Variants in ZNF292 observed in about 807,000 individuals in gnomAD.
ZNF292 encodes the protein zinc finger protein 292.
In ZNF292, 26 loss-of-function variants were observed where a neutral mutation model predicts 217.9. That is an observed-to-expected ratio of 0.12 (90% CI 0.09 to 0.17). The LOEUF (loss-of-function observed/expected upper bound fraction) is 0.17, where lower values mean the gene tolerates loss of function less well. ZNF292 is among the 10% of genes least tolerant of loss of function. ZNF292 has a pLI of 1.00. For synonymous variants in ZNF292, 1,257 were observed against 1,124.1 expected (o/e 1.12, Z -2.37); for missense variants, 2,904 against 3,175.2 (o/e 0.91, Z 2.05).
chr6:87,257,193 G>C lies in ZNF292; in HGVS notation c.3564G>C (p.Ser1188=), dbSNP rs369452734. Residue 1188 remains serine, a synonymous_variant, in exon 8 of 8, where the codon TCG becomes TCC. Coordinates refer to ENST00000369577, the MANE Select transcript of ZNF292 (RefSeq NM_015021.3). The part of the protein sequence containing the change: ...PACSAQLQHV[S]PPIFPAHLAS... ...GTTCGGCCCAGTTGCAGCATGTCTC[G>C]CCACCCATTTTTCCAGCTCATTTAG... is the stretch of plus-strand genomic sequence containing the variant. 2.5e-6 allele frequency: 4 copies of C among 1,613,648 alleles called. No individual in the cohort carries two copies. Among genetic ancestry groups the C allele is most frequent in the Non-Finnish European group, 3.4e-6 (4 of 1,179,842 alleles).
Position 87,177,194 on chromosome 6 carries a change from G to A in ZNF292, c.168+21435G>A, listed in dbSNP as rs62439510. 3.7e-3 allele frequency among the ~76,000 whole-genome samples: 564 copies of A among 152,200 alleles called. 1 individual carries two copies. The highest frequency in any genetic ancestry group is 5.5e-3 in the Non-Finnish European group (372 of 68,002). ...AATACAGAATTAGCTGGGGGTGGTG[G>A]CACATGCCTGTAATCCCAGCTACTC... On this transcript the variant is annotated intron_variant, in intron 1 of 7. Transcript: ENST00000369577.
At position 87,244,312 on chromosome 6, in the gene ZNF292, A is replaced by G. The variant is rs149245751; in HGVS notation, c.878+701A>G. 5.4e-4 allele frequency among the ~76,000 whole-genome samples: 83 copies of G among 152,338 alleles called. 1 individual carries two copies. The East Asian group carries it at 0.012, about 23-fold the overall frequency. ...TTATGAAGGAAAAATAGTATATGCA[A>G]TACAGAGAGGCTTGGTGTGAAAGGC... is the stretch of plus-strand genomic sequence containing the variant. On this transcript the variant is annotated intron_variant, in intron 6 of 7. Transcript: ENST00000369577.
intron 7 of ZNF292, among the ~76,000 whole-genome samples, chr6:87,253,228 T>C (rs1034489396): frequency 1.3e-5 from 2 of 148,656 alleles, no homozygotes; most frequent in African/African-American, 2.5e-5. Context: ...GCCTTTTTTT[T>C]TTTTTTTTTT....
chr6:87,159,513 TTTTA>T (rs1371377342), intron 1 of ZNF292, among the ~76,000 whole-genome samples: 7 of 144,450 alleles, frequency 4.8e-5, no homozygotes, highest in African/African-American at 1.3e-4. Flanking sequence ...TTTTTTTTTT[TTTTA>T]AAAAAGATGT....
intron 1 of ZNF292, chr6:87,215,074 A>T (rs1014171942): frequency 2.0e-5 from 3 of 151,974 alleles, no homozygotes; most frequent in Non-Finnish European, 2.9e-5. Context: ...CAATTGTGGC[A>T]GTCTTCTGTG....
At chr6:87,156,421 ACTTCTGTG>A (rs1770542399) in intron 1 of ZNF292, among the ~76,000 whole-genome samples, 1 of 152,088 alleles carries the variant, frequency 6.6e-6, no homozygotes, top group African/African-American at 2.4e-5. Flanking sequence ...TTGGTGCATC[ACTTCTGTG>A]GTAAAGCTTT....
At chr6:87,235,415 G>T (rs757534161) in intron 5 of ZNF292, among the ~76,000 whole-genome samples, 20 of 152,014 alleles carry the variant, frequency 1.3e-4, no homozygotes, top group Non-Finnish European at 2.2e-4. Flanking sequence ...CATTGGGGGG[G>T]ATTGGGGGAG....
intron 1 of ZNF292, among the ~76,000 whole-genome samples, chr6:87,191,473 G>C (rs1436303804): frequency 6.6e-6 from 1 of 152,086 alleles, no homozygotes; most frequent in African/African-American, 2.4e-5. Context: ...ATTAATATCA[G>C]TGTCTTTACA....
chr6:87,241,119 C>T (rs533121480), intron 5 of ZNF292, among the ~76,000 whole-genome samples: 1 of 152,252 alleles, frequency 6.6e-6, no homozygotes, highest in African/African-American at 2.4e-5. Flanking sequence ...CCCATCTCTA[C>T]TAAAAATACA....
At chr6:87,179,717 T>C (rs1313336399) in intron 1 of ZNF292, among the ~76,000 whole-genome samples, 1 of 152,212 alleles carries the variant, frequency 6.6e-6, no homozygotes, top group Non-Finnish European at 1.5e-5. Context: ...TTTTTCCTGC[T>C]GTACTTCAGT....
chr6:87,227,903 C>T (rs1367200847), intron 4 of ZNF292, among the ~76,000 whole-genome samples: 1 of 152,174 alleles, frequency 6.6e-6, no homozygotes, highest in Non-Finnish European at 1.5e-5. Flanking sequence ...CTACTATAAA[C>T]ATGGGCATAC....
At chr6:87,205,272 C>A (rs1047172087) in intron 1 of ZNF292, among the ~76,000 whole-genome samples, 5 of 152,064 alleles carry the variant, frequency 3.3e-5, no homozygotes, top group African/African-American at 1.2e-4. Context: ...TGAGGTCTTG[C>A]TATGTTGCTC....
At position 87,250,155 on chromosome 6, in the gene ZNF292, T is replaced by A. The variant is rs571631199; in HGVS notation, c.1021-4495T>A. On this transcript the variant is annotated intron_variant, in intron 7 of 7. Transcript: ENST00000369577. ...ATCAGTGGATTCAACCACCTACTGA[T>A]TGAAAATATTCAGGGGCCAGGTGTG... Among the ~76,000 whole-genome samples, 27 of 152,176 alleles carry A rather than the reference T, an allele frequency of 1.8e-4. 2 individuals are homozygous for A. The highest frequency in any genetic ancestry group is 6.0e-4 in the African/African-American group (25 of 41,506).
intron 4 of ZNF292, chr6:87,222,828 G>A: frequency 2.2e-6 from 1 of 453,030 alleles, no homozygotes; most frequent in South Asian, 1.6e-5. Context: ...GCTCCTCTTG[G>A]CTGTGACAGT....
chr6:87,205,425 A>T (rs560185727), intron 1 of ZNF292, among the ~76,000 whole-genome samples: 2 of 151,936 alleles, frequency 1.3e-5, no homozygotes, highest in East Asian at 3.9e-4. Flanking sequence ...TTTTTTTCTT[A>T]ACCTGGATTT....
chr6:87,256,560 T>C lies in ZNF292; in HGVS notation c.2931T>C (p.Thr977=). ...VTDLHTPVED[T]CNDLCHPGFQ... is the part of the protein sequence containing the mutation. ...ACTTACATACGCCAGTTGAAGATAC[T>C]TGTAATGATTTGTGTCATCCAGGTT... The change falls in exon 8 of 8, where the codon ACT becomes ACC. Residue 977 remains threonine, a synonymous_variant. Transcript: ENST00000369577. The C allele has an allele frequency of 6.2e-7, 1 of 1,613,590 alleles. No homozygotes were observed. Among genetic ancestry groups the C allele is most frequent in the Non-Finnish European group, 8.5e-7 (1 of 1,179,832 alleles).
At chr6:87,170,344 A>G (rs1771060291) in intron 1 of ZNF292, 1 of 152,228 alleles carries the variant, frequency 6.6e-6, no homozygotes, top group Admixed American at 6.5e-5. Flanking sequence ...TGACATTGTC[A>G]ATAAAATTTA....
At chr6:87,188,719 T>A (rs1280348797) in intron 1 of ZNF292, among the ~76,000 whole-genome samples, 1 of 148,600 alleles carries the variant, frequency 6.7e-6, no homozygotes, top group Non-Finnish European at 1.5e-5. Flanking sequence ...GCCGTAGTAA[T>A]TTTTTTTTAT....
intron 1 of ZNF292, among the ~76,000 whole-genome samples, chr6:87,165,976 T>C (rs1770899803): frequency 6.6e-6 from 1 of 152,148 alleles, no homozygotes; most frequent in African/African-American, 2.4e-5. Context: ...CAGGCTGGTC[T>C]CAAACTCCTG....
Sources: allele counts gnomAD v4.1 joint callset (sites outside exome capture counted in the v4.1 genomes callset), GRCh38; gene constraint gnomAD v4.1.1; transcripts MANE v1.5; gene names NCBI Gene and HGNC (gene_info 2026-07-23, HGNC 2026-07-21).